RALGDS: variants seen among roughly 807,000 people sequenced by gnomAD.
The protein encoded by RALGDS is ral guanine nucleotide exchange factor.
A neutral mutation model predicts 99.8 loss-of-function variants in RALGDS; 44 were observed. The observed-to-expected ratio is 0.44, with a 90% CI of 0.35 to 0.57. The LOEUF is 0.57. RALGDS is among the 20% of genes least tolerant of loss of function. The pLI is 0.01. For synonymous variants in RALGDS, 529 were observed against 505.0 expected (o/e 1.05, Z -0.64); for missense variants, 1,022 against 1,203.1 (o/e 0.85, Z 2.23).
chr9:133,148,811 C>T, intron 1 of RALGDS: 1 of 885,110 alleles, frequency 1.1e-6, no homozygotes, highest in Non-Finnish European at 1.7e-6. Flanking sequence ...CCTCAGTTTC[C>T]CTACTGTCCC....
chr9:133,141,076 A>C (rs1832513287), intron 1 of RALGDS, among the ~76,000 whole-genome samples: 2 of 152,214 alleles, frequency 1.3e-5, no homozygotes, highest in South Asian at 4.1e-4. Flanking sequence ...AGGGAGGCTC[A>C]GAGGGGTGAA....
chr9:133,107,005 G>A (rs540552303), intron 7 of RALGDS, 80 bp downstream of exon 7: 9 of 1,506,156 alleles, frequency 6.0e-6, no homozygotes, highest in East Asian at 2.3e-5. Context: ...ACTGGGGCCT[G>A]TACAGGGCCT....
At chr9:133,141,032 G>A (rs1239957183) in intron 1 of RALGDS, among the ~76,000 whole-genome samples, 1 of 152,152 alleles carries the variant, frequency 6.6e-6, no homozygotes, top group African/African-American at 2.4e-5. Flanking sequence ...CTCCGGAGGT[G>A]GGCACACCCC....
chr9:133,107,470 G>A (rs900188022), intron 6 of RALGDS, among the ~76,000 whole-genome samples, 170 bp from the exon 7 acceptor site: 3 of 152,232 alleles, frequency 2.0e-5, no homozygotes, highest in Admixed American at 6.5e-5. Flanking sequence ...GGGAAGAAGA[G>A]GAGCACCGCC....
rs1156431769 is a variant in RALGDS at position 133,101,723 on chromosome 9, C to T, written c.2251G>A (p.Gly751Ser). 6.8e-6 allele frequency: 11 copies of T among 1,613,240 alleles called. No homozygotes were observed. The Admixed American group carries it at 1.0e-4, about 15-fold the overall frequency. ...SASQSSPETS[G>S]ISSASSSTSS... is the part of the protein sequence containing the mutation. The stretch of plus-strand genomic sequence containing the variant: ...GTGCTGCTGGAGGCTGAGCTGATGC[C>T]GGAGGTCTCCGGGGATGACTGTGAG... Residue 751 changes from glycine (G) to serine (S), a missense_variant, in exon 16 of 18, where the codon GGC becomes AGC. Physicochemically the swap from Gly to Ser is moderately conservative, Grantham distance 56. Coordinates refer to ENST00000372050, the MANE Select transcript of RALGDS (RefSeq NM_006266.4).
At chr9:133,102,752 T>G (rs762662644) in intron 13 of RALGDS, 27 bp downstream of exon 13, 2 of 1,608,034 alleles carry the variant, frequency 1.2e-6, no homozygotes, top group South Asian at 2.2e-5. Flanking sequence ...CTGCCCCCAC[T>G]GTCCCCATTT....
At position 133,110,243 on chromosome 9, in the gene RALGDS, G is replaced by C. The variant is rs1269081333; in HGVS notation, c.488+53C>G. The stretch of plus-strand genomic sequence containing the variant: ...ATTGCCAAGACCCGCAGCCAGGTGG[G>C]GGTGGGGGCGAGGGCCCCTGTGCAC... On this transcript the variant is annotated intron_variant, in intron 3 of 17. Coordinates refer to ENST00000372050, the MANE Select transcript of RALGDS (RefSeq NM_006266.4). The C allele has an allele frequency of 4.5e-6, 7 of 1,541,272 alleles. No individual in the cohort carries two copies. The African/African-American group carries it at 9.5e-5, about 21-fold the overall frequency.
upstream of RALGDS, among the ~76,000 whole-genome samples, chr9:133,132,457 G>A (rs561116964): frequency 2.0e-5 from 3 of 152,210 alleles, no homozygotes; most frequent in African/African-American, 7.2e-5. Flanking sequence ...AGCTTACCAC[G>A]TGGTTTGAGG....
At chr9:133,136,283 G>T (rs1832424419) in intron 1 of RALGDS, among the ~76,000 whole-genome samples, 1 of 152,260 alleles carries the variant, frequency 6.6e-6, no homozygotes, top group Non-Finnish European at 1.5e-5. Context: ...TGCTACAACT[G>T]CAGACAGGCC....
At chr9:133,101,435 C>T (rs1830751005) in intron 16 of RALGDS, 85 bp downstream of exon 16, 10 of 1,600,456 alleles carry the variant, frequency 6.2e-6, no homozygotes, top group Admixed American at 1.7e-5. Flanking sequence ...AAGGTAGACC[C>T]CGGGAGGGCA....
chr9:133,145,817 G>A (rs903617921), intron 1 of RALGDS, among the ~76,000 whole-genome samples: 1 of 152,310 alleles, frequency 6.6e-6, no homozygotes, highest in African/African-American at 2.4e-5. Flanking sequence ...ACATCACCAC[G>A]CTAATGTGAG....
chr9:133,116,393 C>T (rs1404631786), intron 1 of RALGDS, among the ~76,000 whole-genome samples: 2 of 152,250 alleles, frequency 1.3e-5, no homozygotes, highest in East Asian at 1.9e-4. Flanking sequence ...TGCTGAGCCC[C>T]GCAAAGGCCG....
chr9:133,109,596 T>C, intron 4 of RALGDS, 30 bp downstream of exon 4: 1 of 1,575,246 alleles, frequency 6.3e-7, no homozygotes, highest in Non-Finnish European at 8.7e-7. Context: ...GGGGACAGGG[T>C]CCCTTCCTCT....
chr9:133,103,511 G>A (rs911238109), intron 11 of RALGDS, among the ~76,000 whole-genome samples: 2 of 152,144 alleles, frequency 1.3e-5, no homozygotes, highest in African/African-American at 4.8e-5. Context: ...ACCACGTGCC[G>A]CCTGACCGCT....
intron 1 of RALGDS, among the ~76,000 whole-genome samples, chr9:133,143,786 C>CAACAACAAT (rs1398814466): frequency 1.2e-4 from 15 of 125,544 alleles, no homozygotes; most frequent in African/African-American, 5.1e-4. Context: ...ACAACAACAA[C>CAACAACAAT]AATAATAATA....
At chr9:133,126,274 C>A (rs1395647293) in intron 1 of RALGDS, among the ~76,000 whole-genome samples, 1 of 152,044 alleles carries the variant, frequency 6.6e-6, no homozygotes, top group African/African-American at 2.4e-5. Context: ...AACCACAAGC[C>A]CCTGGAGAGC....
chr9:133,121,117 G>A lies in RALGDS; in HGVS notation c.38C>T (p.Ala13Val), dbSNP rs1008744949. ...QRMWAEAAGP[A>V]GGAEPLFPGS... ...CGGAAACAGCGGCTCGGCGCCGCCAGCAGGCCCGGCCGCCTCGGCCCACAT... is the reference window on the plus strand; with the variant it reads ...CGGAAACAGCGGCTCGGCGCCGCCAACAGGCCCGGCCGCCTCGGCCCACAT... The change falls in exon 1 of 18, where the codon GCT (alanine) becomes GTT (valine). Residue 13 changes from alanine (A) to valine (V), a missense_variant. Coordinates refer to ENST00000372050, the MANE Select transcript of RALGDS (RefSeq NM_006266.4). The A allele has an allele frequency of 5.5e-6, 8 of 1,464,270 alleles. No homozygotes were observed. The highest frequency in any genetic ancestry group is 1.5e-5 in the African/African-American group (1 of 67,286). 90.7% of individuals were successfully genotyped at this position (1,464,270 alleles called of 1,614,324 possible). A position where few individuals can be genotyped will look rare whatever the true frequency, so the allele number is the denominator to read the frequency against.
chr9:133,121,314 A>G (rs1464494696), upstream of RALGDS: 1 of 232,586 alleles, frequency 4.3e-6, no homozygotes. Context: ...GGGGCCGGGG[A>G]GGGGCGGAAC....
rs1411985774 is a variant in RALGDS, at chr9:133,097,834, T to G, written c.*753A>C. 4.4e-6 allele frequency: 1 copy of G among 227,770 alleles called. No homozygotes were observed. Among genetic ancestry groups the G allele is most frequent in the African/African-American group, 2.2e-5 (1 of 44,984 alleles). The allele number at this position is 227,770 out of a possible 1,614,324, so 14.1% of individuals were successfully genotyped here. A position where few individuals can be genotyped will look rare whatever the true frequency, so the allele number is the denominator to read the frequency against. ...AAACATTTTTTTTTTCTTTTTGCTT[T>G]TTATACAAATATTCAATCACCCCAC... On this transcript the variant is annotated 3_prime_UTR_variant, in exon 18 of 18. Transcript: ENST00000372050.
Sources: allele counts gnomAD v4.1 joint callset (sites outside exome capture counted in the v4.1 genomes callset), GRCh38; gene constraint gnomAD v4.1.1; transcripts MANE v1.5; gene names NCBI Gene and HGNC (gene_info 2026-07-23, HGNC 2026-07-21).